Variants in CADPS observed in about 807,000 individuals in gnomAD.
CADPS encodes calcium-dependent secretion activator 1.
CADPS carries 57 observed loss-of-function variants against 167.3 expected under a neutral mutation model. The ratio of observed to expected loss-of-function variants is 0.34; its 90% CI spans 0.28 to 0.42. The LOEUF is 0.42. CADPS is among the 20% of genes least tolerant of loss of function. The pLI, the probability that CADPS is intolerant of heterozygous loss-of-function variation, is 1.00. For synonymous variants in CADPS, 676 were observed against 635.3 expected (o/e 1.06, Z -0.96); for missense variants, 1,414 against 1,738.1 (o/e 0.81, Z 3.32).
chr3:62,636,487 C>T (rs1415831532), intron 6 of CADPS, among the ~76,000 whole-genome samples: 3 of 152,176 alleles, frequency 2.0e-5, no homozygotes, highest in Non-Finnish European at 2.9e-5. Flanking sequence ...CTCTGAAGGA[C>T]TCCAGAGTTT....
chr3:62,761,085 T>G (rs2085290032), intron 2 of CADPS, among the ~76,000 whole-genome samples: 1 of 152,186 alleles, frequency 6.6e-6, no homozygotes, highest in Non-Finnish European at 1.5e-5. Flanking sequence ...TCCCAATTAT[T>G]AAGTGTCTGT....
At chr3:62,788,043 G>A (rs907760697) in intron 1 of CADPS, among the ~76,000 whole-genome samples, 2 of 152,074 alleles carry the variant, frequency 1.3e-5, no homozygotes, top group Admixed American at 6.6e-5. Flanking sequence ...TATAAAAAAT[G>A]TCATACTTAT....
intron 1 of CADPS, among the ~76,000 whole-genome samples, chr3:62,787,299 A>G (rs572471611): frequency 6.6e-6 from 1 of 152,292 alleles, no homozygotes; most frequent in Non-Finnish European, 1.5e-5. Context: ...TGTCTCACAC[A>G]CACATGCAAA....
chr3:62,710,440 G>A (rs71296791), intron 3 of CADPS, among the ~76,000 whole-genome samples: 2 of 151,776 alleles, frequency 1.3e-5, no homozygotes, highest in African/African-American at 2.4e-5. Context: ...GAAAGTTACC[G>A]AACCTCTCCA....
intron 13 of CADPS, among the ~76,000 whole-genome samples, chr3:62,525,843 T>C (rs1361720381): frequency 6.6e-6 from 1 of 151,988 alleles, no homozygotes; most frequent in Admixed American, 6.6e-5. Flanking sequence ...AACCATTATG[T>C]GACATGGATT....
chr3:62,636,058 T>C (rs957787301), intron 6 of CADPS, among the ~76,000 whole-genome samples: 5 of 152,186 alleles, frequency 3.3e-5, no homozygotes, highest in African/African-American at 1.2e-4. Context: ...GCTGTTTTCC[T>C]TTTTTACCCT....
chr3:62,728,541 CCACCTCAAATATGG>C (rs2077168152), intron 3 of CADPS, among the ~76,000 whole-genome samples: 1 of 151,824 alleles, frequency 6.6e-6, no homozygotes, highest in Non-Finnish European at 1.5e-5. Flanking sequence ...TCTTCAGCAC[CCACCTCAAATATGG>C]CATTGAAAAC....
At chr3:62,716,682 A>C (rs1353179201) in intron 3 of CADPS, among the ~76,000 whole-genome samples, 1 of 152,222 alleles carries the variant, frequency 6.6e-6, no homozygotes, top group Non-Finnish European at 1.5e-5. Context: ...TCCTTACATC[A>C]CATTTATGGG....
intron 21 of CADPS, among the ~76,000 whole-genome samples, chr3:62,488,736 C>T (rs576369067): frequency 2.0e-5 from 3 of 152,074 alleles, no homozygotes; most frequent in African/African-American, 4.8e-5. Flanking sequence ...GTGATCCTCT[C>T]GCCTTGGCCC....
At chr3:62,765,324 C>G (rs991565854) in intron 2 of CADPS, among the ~76,000 whole-genome samples, 4 of 152,130 alleles carry the variant, frequency 2.6e-5, no homozygotes, top group Admixed American at 6.6e-5. Flanking sequence ...CATATTCTCT[C>G]TTTTGTAGAT....
In CADPS at chr3:62,744,322, C is replaced by G. The variant is rs113224276; in HGVS notation, c.888+9119G>C. Among the ~76,000 whole-genome samples the G allele has an allele frequency of 2.9e-3, 438 of 150,280 alleles. 3 individuals are homozygous for G. Among genetic ancestry groups the G allele is most frequent in the African/African-American group, 0.01 (423 of 40,852 alleles). On this transcript the variant is annotated intron_variant, in intron 3 of 29. Coordinates refer to ENST00000383710, the MANE Select transcript of CADPS (RefSeq NM_003716.4). ...TGATGTAGAATCATTCACTAGCCATCAAGGAAAGGGAATTAATGTATTTTA... is the reference window on the plus strand; with the variant it reads ...TGATGTAGAATCATTCACTAGCCATGAAGGAAAGGGAATTAATGTATTTTA...
chr3:62,521,232 A>C (rs1359475283), intron 13 of CADPS, among the ~76,000 whole-genome samples: 1 of 152,158 alleles, frequency 6.6e-6, no homozygotes, highest in Non-Finnish European at 1.5e-5. Context: ...GAAAAAAAAT[A>C]TTAGGTGGGT....
chr3:62,426,835 A>C (rs2052798639), intron 28 of CADPS, among the ~76,000 whole-genome samples: 1 of 151,460 alleles, frequency 6.6e-6, no homozygotes, highest in Non-Finnish European at 1.5e-5. Context: ...TGGGAGGCCG[A>C]GGGGGGCAGA....
intron 1 of CADPS, chr3:62,779,801 C>G (rs574572672): frequency 2.2e-4 from 56 of 258,980 alleles, no homozygotes; most frequent in African/African-American, 9.5e-4. Context: ...CAGTGGCATT[C>G]AGTGAGAAGG....
chr3:62,690,999 G>T (rs2079006765), intron 3 of CADPS, among the ~76,000 whole-genome samples: 1 of 152,080 alleles, frequency 6.6e-6, no homozygotes, highest in Non-Finnish European at 1.5e-5. Context: ...GCATGAAAAA[G>T]AAGTGAGCTA....
chr3:62,448,236 C>T (rs13097150), intron 26 of CADPS, among the ~76,000 whole-genome samples: 43,913 of 152,054 alleles, frequency 0.29, 7,622 homozygotes, highest in East Asian at 0.48. Flanking sequence ...GAAATTGCCT[C>T]CTGTACTCTG....
chr3:62,875,156 G>T lies in CADPS; in HGVS notation c.-127C>A, dbSNP rs528912177. The T allele has an allele frequency of 7.9e-4, 964 of 1,221,540 alleles. 1 individual carries two copies. Among genetic ancestry groups the T allele is most frequent in the Non-Finnish European group, 9.5e-4 (908 of 958,486 alleles). 75.7% of individuals were successfully genotyped at this position (1,221,540 alleles called of 1,614,324 possible). Reference sequence around the variant, plus strand: ...TCTCCCCAGGTCAGGGAGCGAGAGCGCTGCTGCTCAGCCTCGGCCGCCGCG... The same window carrying T: ...TCTCCCCAGGTCAGGGAGCGAGAGCTCTGCTGCTCAGCCTCGGCCGCCGCG... On this transcript the variant is annotated 5_prime_UTR_variant, in exon 1 of 30. Coordinates refer to ENST00000383710, the MANE Select transcript of CADPS (RefSeq NM_003716.4).
chr3:62,595,803 G>T (rs554843356), intron 6 of CADPS, among the ~76,000 whole-genome samples: 13 of 152,226 alleles, frequency 8.5e-5, no homozygotes, highest in Admixed American at 7.9e-4. Context: ...CAGTGGGCTG[G>T]CAAAGGCAGA....
At chr3:62,402,241 G>A (rs1175022719) in intron 29 of CADPS, among the ~76,000 whole-genome samples, 2 of 40,726 alleles carry the variant, frequency 4.9e-5, no homozygotes. Flanking sequence ...GGTGGGGGCG[G>A]GGGGGGGGGG....
Sources: allele counts gnomAD v4.1 joint callset (sites outside exome capture counted in the v4.1 genomes callset), GRCh38; gene constraint gnomAD v4.1.1; transcripts MANE v1.5; gene names NCBI Gene and HGNC (gene_info 2026-07-23, HGNC 2026-07-21).